Variants in BNIP5 observed in about 807,000 individuals in gnomAD.
BNIP5 encodes BCL2 interacting protein 5, also known as protein BNIP5.
In BNIP5, 61 loss-of-function variants were observed where a neutral mutation model predicts 67.3. The observed-to-expected ratio is 0.91, with a 90% CI of 0.74 to 1.12. The LOEUF is 1.12. Ranked by LOEUF, BNIP5 falls within the 50% of genes most tolerant of loss-of-function variation. The pLI is 0.00. For synonymous variants in BNIP5, 317 were observed against 319.0 expected (o/e 0.99, Z 0.07); for missense variants, 826 against 816.3 (o/e 1.01, Z -0.14).
chr6:36,316,514 C>T lies in BNIP5; in HGVS notation c.*842G>A, dbSNP rs1472777236. The T allele has an allele frequency of 1.3e-5, 5 of 398,546 alleles. No homozygotes were observed. The highest frequency in any genetic ancestry group is 8.2e-5 in the African/African-American group (4 of 48,644). The allele number at this position is 398,546 out of a possible 1,614,324, so 24.7% of individuals were successfully genotyped here. On this transcript the variant is annotated 3_prime_UTR_variant, in exon 12 of 12. Transcript: ENST00000437635. ...AATGTCTAGGACATGAATAGTACCTCCTGGAGTATGGTGCTCTTGAGCAGT... is the reference window on the plus strand; with the variant it reads ...AATGTCTAGGACATGAATAGTACCTTCTGGAGTATGGTGCTCTTGAGCAGT...
chr6:36,320,043 T>C (rs1208358850), intron 10 of BNIP5, among the ~76,000 whole-genome samples: 1 of 152,070 alleles, frequency 6.6e-6, no homozygotes, highest in African/African-American at 2.4e-5. Flanking sequence ...TGGGCGGGGA[T>C]TGGAGGGGTG....
chr6:36,321,297 C>T (rs1771631615), intron 9 of BNIP5, 78 bp from the exon 10 acceptor site: 1 of 963,042 alleles, frequency 1.0e-6, no homozygotes, highest in Admixed American at 2.0e-5. Flanking sequence ...AGTGCTGCAA[C>T]AATACATCCA....
chr6:36,334,858 G>A (rs9462174), intron 1 of BNIP5, among the ~76,000 whole-genome samples: 1,715 of 151,968 alleles, frequency 0.011, 27 homozygotes, highest in African/African-American at 0.036. Flanking sequence ...CGTTCAGTCC[G>A]ACCACCAGGG....
Position 36,330,192 on chromosome 6 carries a change from C to T in BNIP5, c.499G>A (p.Glu167Lys), listed in dbSNP as rs751045156. The change falls in exon 2 of 12, where the codon GAG becomes AAG. Residue 167 changes from glutamate (E) to lysine (K), a missense_variant. Physicochemically the swap from Glu to Lys is moderately conservative, Grantham distance 56. Coordinates refer to ENST00000437635, the MANE Select transcript of BNIP5 (RefSeq NM_001010903.5). ...KKQGHKKHAA[E>K]VTKAAQDQEA... ...TGGTCTTGAGCTGCCTTAGTCACCT[C>T]GGCCGCGTGTTTCTTGTGACCTTGC... The T allele has an allele frequency of 5.9e-5, 95 of 1,614,100 alleles. No individual in the cohort carries two copies. Among genetic ancestry groups the T allele is most frequent in the Non-Finnish European group, 6.4e-5 (75 of 1,180,032 alleles).
At position 36,315,838 on chromosome 6, in the gene BNIP5, C is replaced by G. The variant is rs185851823; in HGVS notation, c.*1518G>C. 7 of 152,698 alleles carry G rather than the reference C, an allele frequency of 4.6e-5. No homozygotes were observed. The East Asian group carries it at 1.4e-3, about 29-fold the overall frequency. 9.5% of individuals were successfully genotyped at this position (152,698 alleles called of 1,614,324 possible). A position where few individuals can be genotyped will look rare whatever the true frequency, so the allele number is the denominator to read the frequency against. ...AGATGCCAGCATCAGGAGCACATAC[C>G]AAATACTCATAGGGCTTAAAGAACA... is the stretch of plus-strand genomic sequence containing the variant. On this transcript the variant is annotated 3_prime_UTR_variant, in exon 12 of 12. Coordinates refer to ENST00000437635, the MANE Select transcript of BNIP5 (RefSeq NM_001010903.5).
In BNIP5 at chr6:36,316,111, C is replaced by T. The variant is rs77396920; in HGVS notation, c.*1245G>A. 467 of 164,108 alleles carry T rather than the reference C, an allele frequency of 2.8e-3. 3 individuals carry two copies. The highest frequency in any genetic ancestry group is 0.011 in the African/African-American group (450 of 42,060). The allele number at this position is 164,108 out of a possible 1,614,324, so 10.2% of individuals were successfully genotyped here. ...CCCATATAAGCACCCAGGGCCTCTC[C>T]GCTCTAGACTGCTCCTCCTCCCCAG... is the stretch of plus-strand genomic sequence containing the variant. On this transcript the variant is annotated 3_prime_UTR_variant, in exon 12 of 12. Coordinates refer to ENST00000437635, the MANE Select transcript of BNIP5 (RefSeq NM_001010903.5).
chr6:36,330,250 T>C lies in BNIP5; in HGVS notation c.441A>G (p.Lys147=), dbSNP rs551417000. The change falls in exon 2 of 12, where the codon AAA becomes AAG. Residue 147 remains lysine (K), a synonymous_variant. Coordinates refer to ENST00000437635, the MANE Select transcript of BNIP5 (RefSeq NM_001010903.5). ...GGCTGGGCTTCTTGTCGTGGTGGGCTTTCTTCCTGAGGGCTGGCTCCCCTG... is the reference window on the plus strand; with the variant it reads ...GGCTGGGCTTCTTGTCGTGGTGGGCCTTCTTCCTGAGGGCTGGCTCCCCTG... ...EAAGEPALRK[K]AHHDKKPSRK... The C allele has an allele frequency of 7.4e-6, 12 of 1,614,192 alleles. No individual in the cohort carries two copies. The Admixed American group carries it at 1.8e-4, about 25-fold the overall frequency.
In BNIP5 at chr6:36,336,844, G is replaced by C. The variant is rs1772025736; in HGVS notation, c.-137C>G. 2 of 152,258 alleles carry C rather than the reference G, an allele frequency of 1.3e-5. No homozygotes were observed. Among genetic ancestry groups the C allele is most frequent in the South Asian group, 4.1e-4 (2 of 4,832 alleles). 9.4% of individuals were successfully genotyped at this position (152,258 alleles called of 1,614,324 possible). A position where few individuals can be genotyped will look rare whatever the true frequency, so the allele number is the denominator to read the frequency against. ...TGAGAAGTCAGACCCAGCTCTCCCA[G>C]GGAGAAGATGCCACTACTTTGGTGC... On this transcript the variant is annotated 5_prime_UTR_variant, in exon 1 of 12. Coordinates refer to ENST00000437635, the MANE Select transcript of BNIP5 (RefSeq NM_001010903.5).
chr6:36,330,170 T>TCAAGGC lies in BNIP5; in HGVS notation c.520_521insGCCTTG (p.Gln173_Asp174insGlyLeu), dbSNP rs761924967. On this transcript the variant is annotated inframe_insertion, in exon 2 of 12. Coordinates refer to ENST00000437635, the MANE Select transcript of BNIP5 (RefSeq NM_001010903.5). ...TTCCTCTCGGCCTCTGGCCTCCTGG[T>TCAAGGC]CTTGAGCTGCCTTAGTCACCTCGGC... The TCAAGGC allele has an allele frequency of 3.1e-6, 5 of 1,613,922 alleles. No individual in the cohort carries two copies.
Position 36,330,481 on chromosome 6 carries a change from G to A in BNIP5, c.210C>T (p.Cys70=). 2 of 1,614,150 alleles carry A rather than the reference G, an allele frequency of 1.2e-6. No individual in the cohort carries two copies. The highest frequency in any genetic ancestry group is 2.7e-5 in the African/African-American group (2 of 75,064). Reference sequence around the variant, plus strand: ...CGGGAGTGGGGGCTGCAGCGGTGGTGCAGTGAGCCTCTGCAGATGGAGCTG... The same window carrying A: ...CGGGAGTGGGGGCTGCAGCGGTGGTACAGTGAGCCTCTGCAGATGGAGCTG... ...DSPAPSAEAH[C]TTAAAPTPEE... The change falls in exon 2 of 12, where the codon TGC becomes TGT. Residue 70 remains cysteine (C), a synonymous_variant. Transcript: ENST00000437635.
intron 10 of BNIP5, among the ~76,000 whole-genome samples, chr6:36,320,780 G>C (rs1771616538): frequency 6.6e-6 from 1 of 152,226 alleles, no homozygotes; most frequent in Non-Finnish European, 1.5e-5. Flanking sequence ...GGAGACCACA[G>C]GGAATGGAAT....
At position 36,326,743 on chromosome 6, in the gene BNIP5, G is replaced by C; in HGVS notation, c.803C>G (p.Ala268Gly). ...GDQWEEEQSL[A>G]SQLGVALPNP... The stretch of plus-strand genomic sequence containing the variant: ...TGGCAGGGCCACCCCCAGCTGTGAG[G>C]CCAGAGATTGCTGTTGGGGAGAGGA... The change falls in exon 5 of 12, where the codon GCC becomes GGC. Residue 268 changes from alanine (A) to glycine (G), a missense_variant. Transcript: ENST00000437635. The C allele has an allele frequency of 6.2e-7, 1 of 1,614,116 alleles. No homozygotes were observed.
At position 36,324,188 on chromosome 6, in the gene BNIP5, C is replaced by G. The variant is rs752786311; in HGVS notation, c.1171G>C (p.Glu391Gln). The part of the protein sequence containing the change: ...LPLDRASEYK[E>Q]FIQKIISMLQ... ...ATGGAAATGATCTTCTGAATGAATT[C>G]TTCTGAAAAAGATCAACACGCATGG... Residue 391 changes from glutamate (E) to glutamine (Q), a missense_variant and splice_region_variant, in exon 7 of 12, where the codon GAA becomes CAA. Physicochemically the swap from Glu to Gln is conservative, Grantham distance 29 (BLOSUM62 2). Coordinates refer to ENST00000437635, the MANE Select transcript of BNIP5 (RefSeq NM_001010903.5). 1 of 1,613,234 alleles carries G rather than the reference C, an allele frequency of 6.2e-7. No homozygotes were observed. The highest frequency in any genetic ancestry group is 8.5e-7 in the Non-Finnish European group (1 of 1,179,446).
At position 36,330,411 on chromosome 6, in the gene BNIP5, C is replaced by A; in HGVS notation, c.280G>T (p.Asp94Tyr). ...FLPSEQRPSQDTKKGWLKTML... is the reference protein window; with the variant it reads ...FLPSEQRPSQYTKKGWLKTML... ...GTCTTCAGCCACCCCTTCTTGGTGT[C>A]TTGCGAAGGCCTCTGCTCGCTGGGG... The change falls in exon 2 of 12, where the codon GAC becomes TAC. Residue 94 changes from aspartate (D) to tyrosine (Y), a missense_variant. Transcript: ENST00000437635. 6.2e-7 allele frequency: 1 copy of A among 1,614,200 alleles called. No homozygotes were observed. The highest frequency in any genetic ancestry group is 8.5e-7 in the Non-Finnish European group (1 of 1,180,034).
intron 1 of BNIP5, 80 bp from the exon 2 acceptor site, chr6:36,330,774 T>C: frequency 6.7e-7 from 1 of 1,486,584 alleles, no homozygotes; most frequent in Non-Finnish European, 8.9e-7. Flanking sequence ...TGTTTGTTTT[T>C]GTTTTTTATG....
chr6:36,327,213 AC>A, intron 3 of BNIP5, 119 bp from the exon 4 acceptor site: 1 of 884,148 alleles, frequency 1.1e-6, no homozygotes, highest in Non-Finnish European at 1.8e-6. Context: ...GAGGGAAAGC[AC>A]CACATCCCAG....
Position 36,322,490 on chromosome 6 carries a change from A to G in BNIP5, c.1472-48T>C, listed in dbSNP as rs756719532. 3.6e-5 allele frequency: 57 copies of G among 1,576,798 alleles called. 1 individual carries two copies. Among genetic ancestry groups the G allele is most frequent in the Admixed American group, 5.3e-5 (3 of 56,506 alleles). ...GAGTGTTTTGCAGAGAGCTGAATCT[A>G]GTTCCTGACAAGAAGCTGTTCGGAG... is the stretch of plus-strand genomic sequence containing the variant. On this transcript the variant is annotated intron_variant, in intron 8 of 11. Coordinates refer to ENST00000437635, the MANE Select transcript of BNIP5 (RefSeq NM_001010903.5).
At position 36,326,546 on chromosome 6, in the gene BNIP5, C is replaced by T. The variant is rs200999403; in HGVS notation, c.1000G>A (p.Val334Ile). ...PKKSSFLPLC[V>I]SGHRPSISSS... ...GAGATGGAAGGCCGATGGCCGCTGA[C>T]ACACAGGGGCAGAAAGCTGGACTTC... The change falls in exon 5 of 12, where the codon GTC becomes ATC. Residue 334 changes from valine (V) to isoleucine (I), a missense_variant. Coordinates refer to ENST00000437635, the MANE Select transcript of BNIP5 (RefSeq NM_001010903.5). The T allele has an allele frequency of 1.9e-6, 3 of 1,614,150 alleles. No individual in the cohort carries two copies. The highest frequency in any genetic ancestry group is 2.5e-6 in the Non-Finnish European group (3 of 1,180,066).
At position 36,330,369 on chromosome 6, in the gene BNIP5, CGAA is replaced by C; in HGVS notation, c.319_321del (p.Phe107del). ...CTGGGCTCCTCAGGGCCCGTCCTCA[CGAA>C]GAAGTTCAGCATGGTCTTCAGCCAC... On this transcript the variant is annotated inframe_deletion, in exon 2 of 12. Transcript: ENST00000437635. 1 of 1,614,202 alleles carries C rather than the reference CGAA, an allele frequency of 6.2e-7. No homozygotes were observed. The highest frequency in any genetic ancestry group is 8.5e-7 in the Non-Finnish European group (1 of 1,180,046).
Sources: gnomAD v4.1 joint callset for allele counts (sites outside exome capture counted in the v4.1 genomes callset) on GRCh38, gnomAD v4.1.1 for gene constraint, MANE v1.5 for transcripts, NCBI Gene and HGNC (gene_info 2026-07-23, HGNC 2026-07-21) for gene names.